LHFPL4: variants seen among roughly 807,000 people sequenced by gnomAD.
LHFPL4 encodes LHFPL tetraspan subfamily member 4 protein.
A neutral mutation model predicts 20.0 loss-of-function variants in LHFPL4; 6 were observed. The ratio of observed to expected loss-of-function variants is 0.30; its 90% CI spans 0.16 to 0.59. The LOEUF (loss-of-function observed/expected upper bound fraction) is 0.59. Ranked by LOEUF, LHFPL4 falls within the 20% of genes least tolerant of loss-of-function variation. The pLI is 0.88. For missense variants in LHFPL4, 215 were observed against 331.2 expected (o/e 0.65, Z 2.72); for synonymous variants, 129 against 143.8 (o/e 0.90, Z 0.74).
At chr3:9,530,835 A>T (rs1157048565) in intron 2 of LHFPL4, among the ~76,000 whole-genome samples, 2 of 152,116 alleles carry the variant, frequency 1.3e-5, no homozygotes, top group Non-Finnish European at 2.9e-5. Context: ...GATCTCAAGA[A>T]ATCCTCCTGC....
Position 9,523,992 on chromosome 3 carries a change from C to CG in LHFPL4, c.407-17790_407-17789insC, listed in dbSNP as rs893197142. Among the ~76,000 whole-genome samples the CG allele has an allele frequency of 5.7e-5, 8 of 141,314 alleles. No individual in the cohort carries two copies. The South Asian group carries it at 7.5e-4, about 13-fold the overall frequency. The allele number at this position is 141,314 out of a possible 152,430, so 92.7% of individuals were successfully genotyped here. On this transcript the variant is annotated intron_variant, in intron 2 of 3. Transcript: ENST00000287585. ...ATTCTAGGCTAGTATTTCCCCCCCCCCCAACACTTTAAATATTTCACTCCA... is the reference window on the plus strand; with the variant it reads ...ATTCTAGGCTAGTATTTCCCCCCCCCGCCAACACTTTAAATATTTCACTCCA...
At chr3:9,521,471 A>G (rs904056515) in intron 2 of LHFPL4, among the ~76,000 whole-genome samples, 1 of 151,026 alleles carries the variant, frequency 6.6e-6, no homozygotes, top group Non-Finnish European at 1.5e-5. Context: ...GCACGATCTC[A>G]GCTCACTGCA....
intron 2 of LHFPL4, among the ~76,000 whole-genome samples, chr3:9,551,919 A>T (rs1287152949): frequency 6.6e-6 from 1 of 152,142 alleles, no homozygotes; most frequent in East Asian, 1.9e-4. Context: ...TTTCAACATA[A>T]CAGAAATTGA....
intron 2 of LHFPL4, among the ~76,000 whole-genome samples, chr3:9,522,037 G>C (rs967935186): frequency 6.6e-6 from 1 of 151,796 alleles, no homozygotes; most frequent in Non-Finnish European, 1.5e-5. Flanking sequence ...TAGAATATCA[G>C]TTATACTTAA....
chr3:9,545,677 T>C (rs2648397), intron 2 of LHFPL4, among the ~76,000 whole-genome samples: 151,903 of 151,910 alleles, frequency 1, 75,948 homozygotes, highest in Middle Eastern at 1. Context: ...GATCATGCCA[T>C]TGCACTCCAG....
At chr3:9,518,921 T>TTTTGTTTG (rs149594858) in intron 2 of LHFPL4, among the ~76,000 whole-genome samples, 1 of 109,122 alleles carries the variant, frequency 9.2e-6, no homozygotes, top group East Asian at 2.1e-4. Flanking sequence ...ATTGGCTAAT[T>TTTTGTTTG]TTTGTTTATT....
chr3:9,521,529 T>C (rs2046337662), intron 2 of LHFPL4, among the ~76,000 whole-genome samples: 2 of 152,078 alleles, frequency 1.3e-5, no homozygotes, highest in Middle Eastern at 3.4e-3. Flanking sequence ...GCCTCCCAAG[T>C]AGTTGGGACT....
At position 9,506,442 on chromosome 3, in the gene LHFPL4, C is replaced by T. The variant is rs377466472; in HGVS notation, c.407-239G>A. On this transcript the variant is annotated intron_variant, in intron 2 of 3. Coordinates refer to ENST00000287585, the MANE Select transcript of LHFPL4 (RefSeq NM_198560.3). This position sits in a 1 kb window ranked among gnomAD's most constrained non-coding sequence, Gnocchi z 4.5. ...GAACCCGCAATGCCCTCTCCCTTCCCCATGAGATCAACTCCTCCTCCAGGA... is the reference window on the plus strand; with the variant it reads ...GAACCCGCAATGCCCTCTCCCTTCCTCATGAGATCAACTCCTCCTCCAGGA... 4.5e-4 allele frequency among the ~76,000 whole-genome samples: 69 copies of T among 152,244 alleles called. No individual in the cohort carries two copies. The highest frequency in any genetic ancestry group is 1.5e-3 in the African/African-American group (62 of 41,552).
intron 2 of LHFPL4, among the ~76,000 whole-genome samples, chr3:9,513,097 T>C (rs988619038): frequency 4.0e-5 from 6 of 150,528 alleles, no homozygotes; most frequent in Non-Finnish European, 8.9e-5. Context: ...GTAGCTGGGA[T>C]TACAGGCGCC....
intron 2 of LHFPL4, among the ~76,000 whole-genome samples, chr3:9,513,120 C>T (rs531720255): frequency 6.6e-6 from 1 of 152,090 alleles, no homozygotes; most frequent in African/African-American, 2.4e-5. Flanking sequence ...CCACTACTCC[C>T]GGCTAATTTT....
chr3:9,535,987 G>A (rs1017738007), intron 2 of LHFPL4, among the ~76,000 whole-genome samples: 7 of 152,148 alleles, frequency 4.6e-5, no homozygotes, highest in Admixed American at 4.6e-4. Context: ...TTTTTTTAGA[G>A]AGGGGGTTTC....
Position 9,552,619 on chromosome 3 carries a change from C to T in LHFPL4, c.61G>A (p.Ala21Thr), listed in dbSNP as rs1211747992. 1 of 1,613,838 alleles carries T rather than the reference C, an allele frequency of 6.2e-7. No homozygotes were observed. The highest frequency in any genetic ancestry group is 8.5e-7 in the Non-Finnish European group (1 of 1,179,908). ...AAGATGGCCCACAGCACGCCGATGG[C>T]CCGCGAGTTCCGCATGTAGTGCTCG... ...YHEHYMRNSR[A>T]IGVLWAIFTI... Residue 21 changes from alanine to threonine, a missense_variant, in exon 2 of 4, where the codon GCC becomes ACC. Physicochemically the swap from Ala to Thr is moderately conservative, Grantham distance 58 (BLOSUM62 0). Coordinates refer to ENST00000287585, the MANE Select transcript of LHFPL4 (RefSeq NM_198560.3).
intron 2 of LHFPL4, among the ~76,000 whole-genome samples, chr3:9,515,867 A>G (rs113703105): frequency 1.1e-3 from 160 of 151,706 alleles, no homozygotes; most frequent in African/African-American, 3.8e-3. Flanking sequence ...GGCACATGCC[A>G]CCAGACCTGG....
intron 2 of LHFPL4, among the ~76,000 whole-genome samples, chr3:9,549,175 T>C (rs1459240667): frequency 6.6e-6 from 1 of 152,170 alleles, no homozygotes; most frequent in Non-Finnish European, 1.5e-5. Flanking sequence ...CTGACTAATA[T>C]AGTGACGTAA....
chr3:9,535,711 T>G (rs1381895159), intron 2 of LHFPL4, among the ~76,000 whole-genome samples: 1 of 150,524 alleles, frequency 6.6e-6, no homozygotes, highest in African/African-American at 2.5e-5. Flanking sequence ...TGGCTAGGTT[T>G]GAGACTGAGG....
intron 2 of LHFPL4, among the ~76,000 whole-genome samples, chr3:9,536,942 C>T (rs535575701): frequency 1.3e-5 from 2 of 151,348 alleles, no homozygotes; most frequent in East Asian, 1.9e-4. Context: ...AAAATTCAGC[C>T]GGGTGTGGTA....
intron 3 of LHFPL4, among the ~76,000 whole-genome samples, chr3:9,504,500 T>C (rs2046202147): frequency 6.6e-6 from 1 of 151,922 alleles, no homozygotes. Flanking sequence ...ATCCTACCTT[T>C]CATATTTATT....
At chr3:9,519,594 T>G (rs545893774) in intron 2 of LHFPL4, among the ~76,000 whole-genome samples, 3 of 152,144 alleles carry the variant, frequency 2.0e-5, no homozygotes, top group African/African-American at 7.2e-5. Flanking sequence ...GAATCTTACT[T>G]CATCAACAGG....
intron 2 of LHFPL4, among the ~76,000 whole-genome samples, chr3:9,544,136 G>A (rs770244963): frequency 2.0e-5 from 3 of 152,096 alleles, no homozygotes; most frequent in Non-Finnish European, 4.4e-5. Flanking sequence ...CAAGAAACTG[G>A]TAATGGGGGT....
Sources: allele counts gnomAD v4.1 joint callset (sites outside exome capture counted in the v4.1 genomes callset), GRCh38; gene constraint gnomAD v4.1.1; non-coding constraint Gnocchi (gnomAD v3.1); transcripts MANE v1.5; gene names NCBI Gene and HGNC (gene_info 2026-07-23, HGNC 2026-07-21).